Variants in MECR observed in about 807,000 individuals in gnomAD.
MECR encodes enoyl-[acyl-carrier-protein] reductase, mitochondrial.
In MECR, 37 loss-of-function variants were observed where a neutral mutation model predicts 49.1. The observed-to-expected ratio is 0.75, with a 90% CI of 0.58 to 0.99. MECR has a LOEUF of 0.99. MECR is among the 50% of genes least tolerant of loss of function. The probability of loss-of-function intolerance (pLI) is 0.00; values close to 1 mark genes in which losing one functional copy is unlikely to be tolerated. For synonymous variants in MECR, 198 were observed against 191.1 expected (o/e 1.04, Z -0.30); for missense variants, 470 against 479.6 (o/e 0.98, Z 0.19).
the MECR span, among the ~76,000 whole-genome samples, chr1:29,173,814 G>A: frequency 6.6e-6 from 1 of 151,794 alleles, no homozygotes; most frequent in Non-Finnish European, 1.5e-5. Context: ...GCTGCCAAAT[G>A]ATTTCCTCAT....
At chr1:29,196,106 C>T in intron 8 of MECR, 92 bp downstream of exon 8, 1 of 1,600,670 alleles carries the variant, frequency 6.2e-7, no homozygotes, top group Non-Finnish European at 8.6e-7. Flanking sequence ...CGGGGCATTG[C>T]CTAAGCTTAG....
chr1:29,214,352 C>T (rs567593006), intron 3 of MECR, among the ~76,000 whole-genome samples: 55 of 148,248 alleles, frequency 3.7e-4, no homozygotes, highest in African/African-American at 1.1e-3. Flanking sequence ...TGAGCCACTG[C>T]GCCTGGCCTT....
intron 7 of MECR, among the ~76,000 whole-genome samples, chr1:29,196,580 C>T (rs1674054566): frequency 6.6e-6 from 1 of 152,098 alleles, no homozygotes; most frequent in South Asian, 2.1e-4. Flanking sequence ...CCCAGCTTCT[C>T]AGGAGGCTGA....
chr1:29,197,527 C>T (rs1283147514), intron 7 of MECR, among the ~76,000 whole-genome samples: 1 of 152,198 alleles, frequency 6.6e-6, no homozygotes, highest in Admixed American at 6.5e-5. Context: ...AACCTATGTT[C>T]ACCTCCCCAC....
chr1:29,168,068 C>T, the MECR span, among the ~76,000 whole-genome samples: 12 of 150,506 alleles, frequency 8.0e-5, no homozygotes, highest in East Asian at 1.8e-3. Flanking sequence ...CAGGCTGCAG[C>T]GCAGCGGCGC....
downstream of MECR, among the ~76,000 whole-genome samples, chr1:29,190,011 G>T (rs1673090535): frequency 6.6e-6 from 1 of 152,192 alleles, no homozygotes; most frequent in Admixed American, 6.5e-5. Flanking sequence ...TATTTCTCAT[G>T]TAAAACAAGT....
the MECR span, among the ~76,000 whole-genome samples, chr1:29,174,961 C>G: frequency 6.7e-6 from 1 of 148,194 alleles, no homozygotes; most frequent in Non-Finnish European, 1.5e-5. Flanking sequence ...CGTGAGCCAC[C>G]ACAACTGGCC....
chr1:29,169,800 A>G, the MECR span: 3 of 152,366 alleles, frequency 2.0e-5, no homozygotes, highest in East Asian at 1.9e-4. Flanking sequence ...TAGTAGGGTG[A>G]GAAAAACAGA....
At chr1:29,226,997 C>T (rs1411405044) in intron 1 of MECR, among the ~76,000 whole-genome samples, 1 of 129,476 alleles carries the variant, frequency 7.7e-6, no homozygotes, top group Non-Finnish European at 1.6e-5. Flanking sequence ...CTCACTCTGT[C>T]GCTGAGGCTG....
At chr1:29,215,907 A>G in intron 3 of MECR, 98 bp downstream of exon 3, 3 of 1,394,284 alleles carry the variant, frequency 2.2e-6, no homozygotes, top group Non-Finnish European at 2.9e-6. Context: ...TAAACCCTGC[A>G]TTACCCAGGT....
the MECR span, chr1:29,181,967 C>T: frequency 7.7e-6 from 3 of 389,452 alleles, no homozygotes; most frequent in African/African-American, 2.1e-5. Flanking sequence ...GGAGAGAGCG[C>T]GCGTTCGCTT....
At chr1:29,179,070 GTCCT>G in the MECR span, among the ~76,000 whole-genome samples, 1 of 152,106 alleles carries the variant, frequency 6.6e-6, no homozygotes, top group East Asian at 1.9e-4. Flanking sequence ...GGTATTTAGG[GTCCT>G]GAAAGGCTCT....
At chr1:29,222,198 A>G (rs890763752) in intron 1 of MECR, among the ~76,000 whole-genome samples, 1 of 152,114 alleles carries the variant, frequency 6.6e-6, no homozygotes, top group African/African-American at 2.4e-5. Context: ...GGTTCAAGGA[A>G]TTCTCCTGCC....
chr1:29,174,089 T>A, the MECR span, among the ~76,000 whole-genome samples: 1 of 151,388 alleles, frequency 6.6e-6, no homozygotes, highest in East Asian at 2.0e-4. Context: ...CTTGGGAGGC[T>A]GAGGCAGGAG....
chr1:29,200,436 G>A lies in MECR; in HGVS notation c.830+80C>T, dbSNP rs980590592. The A allele has an allele frequency of 3.7e-6, 5 of 1,359,058 alleles. No homozygotes were observed. The African/African-American group carries it at 4.3e-5, about 12-fold the overall frequency. 84.2% of individuals were successfully genotyped at this position (1,359,058 alleles called of 1,614,324 possible). A position where few individuals can be genotyped will look rare whatever the true frequency, so the allele number is the denominator to read the frequency against. On this transcript the variant is annotated intron_variant, in intron 7 of 9. Coordinates refer to ENST00000263702, the MANE Select transcript of MECR (RefSeq NM_016011.5). Reference sequence around the variant, plus strand: ...TGGACTTGGCTCGAACTGGCGATGGGACTCAGTCACTTGATGGTCCTCCCA... The same window carrying A: ...TGGACTTGGCTCGAACTGGCGATGGAACTCAGTCACTTGATGGTCCTCCCA...
At chr1:29,174,665 C>A in the MECR span, among the ~76,000 whole-genome samples, 1 of 147,174 alleles carries the variant, frequency 6.8e-6, no homozygotes, top group Admixed American at 6.8e-5. Flanking sequence ...AGAGACTGTG[C>A]AGGAGATAGG....
intron 4 of MECR, among the ~76,000 whole-genome samples, chr1:29,205,799 G>A (rs570985180): frequency 2.0e-5 from 3 of 152,098 alleles, no homozygotes; most frequent in Admixed American, 6.5e-5. Context: ...CACTCAAGCC[G>A]GGGCGACAGA....
At chr1:29,210,260 T>C (rs1250771711) in intron 3 of MECR, among the ~76,000 whole-genome samples, 1 of 152,068 alleles carries the variant, frequency 6.6e-6, no homozygotes, top group African/African-American at 2.4e-5. Context: ...GATCCGCCCA[T>C]CTTGGCCTCC....
intron 3 of MECR, among the ~76,000 whole-genome samples, chr1:29,207,997 GT>G (rs879576692): frequency 3.4e-4 from 49 of 145,498 alleles, no homozygotes; most frequent in Middle Eastern, 3.7e-3. Context: ...TGACTCACAT[GT>G]TTTTTTTTTT....
Sources: allele counts gnomAD v4.1 joint callset (sites outside exome capture counted in the v4.1 genomes callset), GRCh38; gene constraint gnomAD v4.1.1; transcripts MANE v1.5; gene names NCBI Gene and HGNC (gene_info 2026-07-23, HGNC 2026-07-21).